The following PBX3 variants were observed in gnomAD, a reference collection of about 807,000 sequenced individuals.
PBX3 encodes the protein PBX homeobox 3.
A neutral mutation model predicts 48.5 loss-of-function variants in PBX3; 14 were observed. That is an observed-to-expected ratio of 0.29 (90% CI 0.19 to 0.45). The LOEUF (loss-of-function observed/expected upper bound fraction) is 0.45. Ranked by LOEUF, PBX3 falls within the 20% of genes least tolerant of loss-of-function variation. PBX3 has a pLI of 1.00. For synonymous variants in PBX3, 210 were observed against 200.3 expected (o/e 1.05, Z -0.41); for missense variants, 386 against 546.7 (o/e 0.71, Z 2.93).
At chr9:125,871,380 CAAA>C (rs34035290) in intron 2 of PBX3, among the ~76,000 whole-genome samples, 2 of 127,584 alleles carry the variant, frequency 1.6e-5, no homozygotes, top group Non-Finnish European at 1.6e-5. Flanking sequence ...GACTCCGTCT[CAAA>C]AAAAAAAAAA....
chr9:125,752,347 G>A (rs1836398692), intron 2 of PBX3, among the ~76,000 whole-genome samples: 1 of 152,126 alleles, frequency 6.6e-6, no homozygotes, highest in African/African-American at 2.4e-5. Context: ...GCTGGTTGAA[G>A]TATTTTTTAT....
At chr9:125,869,490 CA>C (rs1840065146) in intron 2 of PBX3, among the ~76,000 whole-genome samples, 1 of 151,872 alleles carries the variant, frequency 6.6e-6, no homozygotes, top group South Asian at 2.1e-4. Flanking sequence ...CTGCAGAACC[CA>C]AAAGATTAAA....
rs934674045 is a variant in PBX3 at position 125,966,534 on chromosome 9, C to T, written c.*611C>T. ...AAAGCACCAGTGCCCAGAGTCTGCTCGGTAATAAAATTATGGATCCAGATT... is the reference window on the plus strand; with the variant it reads ...AAAGCACCAGTGCCCAGAGTCTGCTTGGTAATAAAATTATGGATCCAGATT... On this transcript the variant is annotated 3_prime_UTR_variant, in exon 9 of 9. Transcript: ENST00000373489. The T allele has an allele frequency of 6.6e-6, 1 of 152,568 alleles. No individual in the cohort carries two copies. Among genetic ancestry groups the T allele is most frequent in the Non-Finnish European group, 1.5e-5 (1 of 68,040 alleles). 9.5% of individuals were successfully genotyped at this position (152,568 alleles called of 1,614,324 possible).
Position 125,944,546 on chromosome 9 carries a change from C to T in PBX3, c.843+8939C>T, listed in dbSNP as rs184038685. On this transcript the variant is annotated intron_variant, in intron 5 of 8. Transcript: ENST00000373489. ...AAAGTTACCTGAAGAAGCACACAGG[C>T]ACAAATGGATGCCATGTGTGGAATA... Among the ~76,000 whole-genome samples, 495 of 152,242 alleles carry T rather than the reference C, an allele frequency of 3.3e-3. 1 individual carries two copies. Among genetic ancestry groups the T allele is most frequent in the Non-Finnish European group, 5.5e-3 (375 of 68,028 alleles).
chr9:125,946,824 T>C (rs1031446369), intron 5 of PBX3, among the ~76,000 whole-genome samples: 2 of 152,104 alleles, frequency 1.3e-5, no homozygotes, highest in Non-Finnish European at 2.9e-5. Context: ...CTGAAAACTT[T>C]CCAAAACCCA....
At chr9:125,831,493 C>CA (rs1237324434) in intron 2 of PBX3, among the ~76,000 whole-genome samples, 23 of 151,720 alleles carry the variant, frequency 1.5e-4, no homozygotes, top group African/African-American at 5.1e-4. Context: ...CTCGATTAGC[C>CA]AGAGTGTTTT....
At chr9:125,956,892 G>A (rs904706014) in intron 5 of PBX3, among the ~76,000 whole-genome samples, 2 of 152,144 alleles carry the variant, frequency 1.3e-5, no homozygotes, top group African/African-American at 2.4e-5. Flanking sequence ...CATGCACTGC[G>A]CATGCAGCCT....
chr9:125,961,351 G>T (rs556919832), intron 6 of PBX3, among the ~76,000 whole-genome samples: 1 of 152,352 alleles, frequency 6.6e-6, no homozygotes, highest in African/African-American at 2.4e-5. Context: ...CAGGTGGCTA[G>T]CTGTGAGGGT....
At chr9:125,808,192 C>T (rs1838184096) in intron 2 of PBX3, among the ~76,000 whole-genome samples, 1 of 152,026 alleles carries the variant, frequency 6.6e-6, no homozygotes. Flanking sequence ...TGTGGGGAAA[C>T]AATTTTTTTG....
At chr9:125,964,897 TTGGTGTAGGAGG>T (rs1842499730) in intron 8 of PBX3, among the ~76,000 whole-genome samples, 1 of 152,114 alleles carries the variant, frequency 6.6e-6, no homozygotes, top group Non-Finnish European at 1.5e-5. Flanking sequence ...CACCCTGACA[TTGGTGTAGGAGG>T]TCCGGGTCTG....
At chr9:125,941,811 G>C (rs766823175) in intron 5 of PBX3, among the ~76,000 whole-genome samples, 3 of 152,138 alleles carry the variant, frequency 2.0e-5, no homozygotes, top group Non-Finnish European at 2.9e-5. Flanking sequence ...TTTTGGAATA[G>C]AGCTAATTTA....
rs1281104542 is a variant in PBX3, at chr9:125,966,920, AAATGT to A, written c.*1004_*1008del. ...AATTAACTCTTTGTTTCCCTTCATA[AAATGT>A]AATGTACATTGTAATCTTTTAAAAG... On this transcript the variant is annotated 3_prime_UTR_variant, in exon 9 of 9. Transcript: ENST00000373489. The A allele has an allele frequency of 6.6e-6, 1 of 152,522 alleles. No individual in the cohort carries two copies. Among genetic ancestry groups the A allele is most frequent in the African/African-American group, 2.4e-5 (1 of 41,392 alleles). The allele number at this position is 152,522 out of a possible 1,614,324, so 9.4% of individuals were successfully genotyped here. A position where few individuals can be genotyped will look rare whatever the true frequency, so the allele number is the denominator to read the frequency against.
chr9:125,836,505 C>T (rs1179958326), intron 2 of PBX3, among the ~76,000 whole-genome samples: 2 of 151,636 alleles, frequency 1.3e-5, no homozygotes, highest in African/African-American at 2.4e-5. Flanking sequence ...GGGTGGGAAG[C>T]GTAGGTAGTC....
chr9:125,921,324 C>T (rs191291905), intron 3 of PBX3, among the ~76,000 whole-genome samples: 2 of 152,026 alleles, frequency 1.3e-5, no homozygotes, highest in African/African-American at 4.8e-5. Context: ...CATTTGAATA[C>T]TCTTTTTTTT....
chr9:125,808,547 T>A (rs1360324274), intron 2 of PBX3, among the ~76,000 whole-genome samples: 1 of 152,130 alleles, frequency 6.6e-6, no homozygotes, highest in East Asian at 1.9e-4. Context: ...GCGTTGGTGG[T>A]CTTAGCGAGG....
chr9:125,801,524 A>T (rs1837944252), intron 2 of PBX3, among the ~76,000 whole-genome samples: 1 of 152,204 alleles, frequency 6.6e-6, no homozygotes, highest in African/African-American at 2.4e-5. Context: ...TTCCATTATT[A>T]ACCAAAGACC....
intron 8 of PBX3, 117 bp downstream of exon 8, chr9:125,963,218 C>T (rs1275896005): frequency 1.9e-6 from 1 of 524,836 alleles, no homozygotes; most frequent in Admixed American, 3.2e-5. Context: ...GGGAAGGCAG[C>T]GTCTTTGCTG....
At chr9:125,829,506 CAG>C (rs1455278329) in intron 2 of PBX3, among the ~76,000 whole-genome samples, 3 of 152,012 alleles carry the variant, frequency 2.0e-5, no homozygotes, top group African/African-American at 4.8e-5. Context: ...ATTTGCTAGT[CAG>C]GGGTTGCTTT....
At chr9:125,834,956 G>A (rs543818519) in intron 2 of PBX3, among the ~76,000 whole-genome samples, 2 of 130,054 alleles carry the variant, frequency 1.5e-5, no homozygotes, top group Non-Finnish European at 3.1e-5. Context: ...GGCAGAAGTT[G>A]CAGTGAGCCA....
Sources: gnomAD v4.1 joint callset for allele counts (sites outside exome capture counted in the v4.1 genomes callset) on GRCh38, gnomAD v4.1.1 for gene constraint, MANE v1.5 for transcripts, NCBI Gene and HGNC (gene_info 2026-07-23, HGNC 2026-07-21) for gene names.